CIT: variants seen among roughly 807,000 people sequenced by gnomAD.
CIT encodes citron Rho-interacting kinase.
In CIT, 79 loss-of-function variants were observed where a neutral mutation model predicts 272.7. That is an observed-to-expected ratio of 0.29 (90% confidence interval 0.24 to 0.35). The LOEUF is 0.35. CIT is among the 10% of genes least tolerant of loss of function. CIT has a pLI of 1.00. For synonymous variants in CIT, 948 were observed against 995.6 expected (o/e 0.95, Z 0.90); for missense variants, 1,909 against 2,618.3 (o/e 0.73, Z 5.91).
At chr12:119,788,742 C>T (rs1362771936) in intron 10 of CIT, among the ~76,000 whole-genome samples, 4 of 152,144 alleles carry the variant, frequency 2.6e-5, no homozygotes, top group Admixed American at 2.6e-4. Context: ...CCCCACCCGC[C>T]GGCACTCGAA....
chr12:119,871,674 C>T (rs556019137), intron 2 of CIT, among the ~76,000 whole-genome samples: 5 of 152,010 alleles, frequency 3.3e-5, no homozygotes, highest in Non-Finnish European at 7.4e-5. Flanking sequence ...GGCAACACAG[C>T]GAGATCCCAT....
At chr12:119,843,397 T>G (rs1252400754) in intron 5 of CIT, among the ~76,000 whole-genome samples, 1 of 152,020 alleles carries the variant, frequency 6.6e-6, no homozygotes, top group African/African-American at 2.4e-5. Context: ...TCACAGTAAT[T>G]CAGAGTAGAG....
intron 40 of CIT, 145 bp from the exon 41 acceptor site, chr12:119,704,600 T>C (rs1286358867): frequency 1.5e-6 from 1 of 687,168 alleles, no homozygotes; most frequent in Non-Finnish European, 2.5e-6. Flanking sequence ...GTCCTGGGCA[T>C]CGCAGGATAT....
chr12:119,869,191 G>T lies in CIT; in HGVS notation c.107C>A (p.Pro36His), dbSNP rs1449579313. ...AGACATCTGCTGTTGAGTCATAAAG[G>T]GTGGTTTCCCCTAAAAACAGCAAAC... is the stretch of plus-strand genomic sequence containing the variant. ...RLNLFFQGKP[P>H]FMTQQQMSPL... Residue 36 changes from proline to histidine, a missense_variant, in exon 3 of 48, where the codon CCC becomes CAC. Pro to His is a moderately conservative substitution (Grantham distance 77). Coordinates refer to ENST00000392521, the MANE Select transcript of CIT (RefSeq NM_001206999.2). 2 of 1,596,932 alleles carry T rather than the reference G, an allele frequency of 1.3e-6. No individual in the cohort carries two copies. Among genetic ancestry groups the T allele is most frequent in the African/African-American group, 1.4e-5 (1 of 73,602 alleles).
chr12:119,790,163 G>T (rs1051523809), intron 10 of CIT, among the ~76,000 whole-genome samples: 3 of 151,976 alleles, frequency 2.0e-5, no homozygotes, highest in Non-Finnish European at 2.9e-5. Context: ...AGAGTCACCA[G>T]TTACACCAAA....
intron 23 of CIT, among the ~76,000 whole-genome samples, chr12:119,746,132 T>C (rs1303406854): frequency 6.6e-6 from 1 of 152,162 alleles, no homozygotes; most frequent in African/African-American, 2.4e-5. Context: ...TCTTCCATGA[T>C]CACCAAAAAC....
chr12:119,755,851 C>T (rs1211967919), intron 22 of CIT, among the ~76,000 whole-genome samples: 1 of 152,182 alleles, frequency 6.6e-6, no homozygotes, highest in Non-Finnish European at 1.5e-5. Context: ...AGAGAGCTAC[C>T]TTTCATCAAT....
chr12:119,717,409 C>CTTTTT (rs1957552261), intron 32 of CIT, among the ~76,000 whole-genome samples: 1 of 122,552 alleles, frequency 8.2e-6, no homozygotes, highest in African/African-American at 3.2e-5. Context: ...ATTCTTTTTT[C>CTTTTT]TTTTCTTTTC....
chr12:119,729,682 T>C (rs1958321160), intron 27 of CIT, among the ~76,000 whole-genome samples: 2 of 152,222 alleles, frequency 1.3e-5, no homozygotes, highest in Non-Finnish European at 2.9e-5. Context: ...ACAACAGCGA[T>C]GGGTGACCAG....
chr12:119,708,634 T>C (rs1291853918), intron 39 of CIT, among the ~76,000 whole-genome samples: 1 of 152,020 alleles, frequency 6.6e-6, no homozygotes, highest in Non-Finnish European at 1.5e-5. Flanking sequence ...TACAGGTGCA[T>C]GCTACCACGC....
chr12:119,750,740 T>TATATAG (rs1326204243), intron 23 of CIT, among the ~76,000 whole-genome samples: 1 of 142,230 alleles, frequency 7.0e-6, no homozygotes, highest in Non-Finnish European at 1.5e-5. Flanking sequence ...ACGTTAAATA[T>TATATAG]ATATAGATAT....
intron 9 of CIT, among the ~76,000 whole-genome samples, chr12:119,809,592 T>A (rs1237578789): frequency 6.6e-6 from 1 of 152,180 alleles, no homozygotes; most frequent in African/African-American, 2.4e-5. Context: ...CCTCCAGCCC[T>A]CCTTTCATCT....
intron 10 of CIT, among the ~76,000 whole-genome samples, chr12:119,791,481 G>A (rs1965305465): frequency 6.6e-6 from 1 of 152,126 alleles, no homozygotes; most frequent in Non-Finnish European, 1.5e-5. Context: ...TGGGAAGCAG[G>A]GTAGATATTA....
intron 28 of CIT, 93 bp from the exon 29 acceptor site, chr12:119,721,542 G>C: frequency 8.5e-7 from 1 of 1,181,914 alleles, no homozygotes; most frequent in Non-Finnish European, 1.2e-6. Context: ...TTCAGGCATG[G>C]CACCAGAAGT....
intron 24 of CIT, among the ~76,000 whole-genome samples, chr12:119,737,963 A>G (rs902637709): frequency 7.9e-5 from 12 of 152,218 alleles, no homozygotes; most frequent in Non-Finnish European, 1.5e-5. Flanking sequence ...GACTTATGAC[A>G]TAGGCAGTAA....
chr12:119,847,243 C>T lies in CIT; in HGVS notation c.516+2931G>A, dbSNP rs112637421. 2.8e-3 allele frequency among the ~76,000 whole-genome samples: 419 copies of T among 152,322 alleles called. 2 individuals carry two copies. The Middle Eastern group carries it at 0.031, about 11-fold the overall frequency. On this transcript the variant is annotated intron_variant, in intron 5 of 47. Coordinates refer to ENST00000392521, the MANE Select transcript of CIT (RefSeq NM_001206999.2). The stretch of plus-strand genomic sequence containing the variant: ...TCCTGATCTGCCCACCTCGGCCTCC[C>T]AAATTGCTGGGATTACAGGTGTAAG...
intron 23 of CIT, among the ~76,000 whole-genome samples, chr12:119,750,808 T>C (rs923264721): frequency 1.3e-5 from 2 of 151,948 alleles, no homozygotes; most frequent in East Asian, 1.9e-4. Flanking sequence ...GATATAGAGA[T>C]GTACACGTGC....
In CIT at chr12:119,722,880, G is replaced by A. The variant is rs967905777; in HGVS notation, c.3592-1431C>T. On this transcript the variant is annotated intron_variant, in intron 28 of 47. Coordinates refer to ENST00000392521, the MANE Select transcript of CIT (RefSeq NM_001206999.2). The stretch of plus-strand genomic sequence containing the variant: ...TTTCCCTAACAGTACTGCCACAAAG[G>A]AAGAGCTACCAACTAAAGATCACCT... Among the ~76,000 whole-genome samples the A allele has an allele frequency of 3.3e-5, 5 of 151,958 alleles. No individual in the cohort carries two copies. The East Asian group carries it at 5.8e-4, about 18-fold the overall frequency.
At chr12:119,740,639 A>G (rs1959014200) in intron 24 of CIT, among the ~76,000 whole-genome samples, 1 of 152,180 alleles carries the variant, frequency 6.6e-6, no homozygotes, top group Admixed American at 6.5e-5. Context: ...CATTTTTTAA[A>G]ATCCAAGCTT....
Sources: allele counts gnomAD v4.1 joint callset (sites outside exome capture counted in the v4.1 genomes callset), GRCh38; gene constraint gnomAD v4.1.1; transcripts MANE v1.5; gene names NCBI Gene and HGNC (gene_info 2026-07-23, HGNC 2026-07-21).